NIPA2: variants seen among roughly 807,000 people sequenced by gnomAD.
NIPA2 encodes the protein magnesium transporter NIPA2.
NIPA2 carries 11 observed loss-of-function variants against 29.7 expected under a neutral mutation model. The observed-to-expected ratio is 0.37, with a 90% CI of 0.23 to 0.61. The LOEUF (loss-of-function observed/expected upper bound fraction) is 0.61. Among genes scored for constraint, NIPA2 ranks in the 20% least tolerant of loss-of-function variants. NIPA2 has a pLI of 0.66. For missense variants in NIPA2, 426 were observed against 437.9 expected (o/e 0.97, Z 0.24); for synonymous variants, 183 against 161.9 (o/e 1.13, Z -0.99).
At chr15:22,852,662 T>A (rs1344726947) in intron 4 of NIPA2, among the ~76,000 whole-genome samples, 1 of 152,102 alleles carries the variant, frequency 6.6e-6, no homozygotes, top group Non-Finnish European at 1.5e-5. Context: ...CACTGACAAG[T>A]CACAAGACCC....
chr15:22,861,833 C>G (rs2058642180), intron 7 of NIPA2, among the ~76,000 whole-genome samples: 1 of 152,072 alleles, frequency 6.6e-6, no homozygotes, highest in Non-Finnish European at 1.5e-5. Context: ...CTCCCCAGCC[C>G]AAGCGATTCT....
rs1233151766 is a variant in NIPA2 at position 22,838,877 on chromosome 15, G to C, written c.-396G>C. The C allele has an allele frequency of 6.6e-6, 1 of 152,378 alleles. No individual in the cohort carries two copies. The highest frequency in any genetic ancestry group is 1.5e-5 in the Non-Finnish European group (1 of 68,086). 9.4% of individuals were successfully genotyped at this position (152,378 alleles called of 1,614,324 possible). On this transcript the variant is annotated 5_prime_UTR_variant, in exon 1 of 8. Coordinates refer to ENST00000337451, the MANE Select transcript of NIPA2 (RefSeq NM_030922.7). ...GGGGGTGTGAGCCGCGGTGCCCAAG[G>C]CTGCGCCGGCGAGGGGAAGCCGCGC...
At chr15:22,850,537 G>A (rs774993364) in intron 3 of NIPA2, among the ~76,000 whole-genome samples, 3 of 152,134 alleles carry the variant, frequency 2.0e-5, no homozygotes, top group South Asian at 2.1e-4. Flanking sequence ...TGATAATGTC[G>A]TGTTTACCAT....
At chr15:22,843,290 G>A (rs1865335) in intron 2 of NIPA2, among the ~76,000 whole-genome samples, 21,085 of 151,920 alleles carry the variant, frequency 0.14, 1,768 homozygotes, top group Admixed American at 0.26. Context: ...GGATCACGAG[G>A]TCAGGAGATC....
At chr15:22,847,198 G>A (rs1322444823) in intron 3 of NIPA2, among the ~76,000 whole-genome samples, 2 of 151,944 alleles carry the variant, frequency 1.3e-5, no homozygotes, top group African/African-American at 4.8e-5. Flanking sequence ...GAGCCACCGC[G>A]CCCGGCCTTG....
chr15:22,854,814 T>A (rs1484498437), intron 5 of NIPA2, among the ~76,000 whole-genome samples: 2 of 152,158 alleles, frequency 1.3e-5, no homozygotes, highest in African/African-American at 4.8e-5. Flanking sequence ...TACTTGATGT[T>A]ATTCACCAGG....
intron 7 of NIPA2, among the ~76,000 whole-genome samples, chr15:22,862,591 C>T (rs1005918108): frequency 2.6e-5 from 4 of 151,884 alleles, no homozygotes; most frequent in African/African-American, 9.7e-5. Context: ...TTGTTAATTT[C>T]TAAGAGTTTC....
intron 4 of NIPA2, among the ~76,000 whole-genome samples, chr15:22,852,675 C>T (rs370244732): frequency 1.3e-5 from 2 of 152,242 alleles, no homozygotes; most frequent in South Asian, 4.2e-4. Context: ...CAAGACCCTG[C>T]GGGGTAATCA....
intron 2 of NIPA2, among the ~76,000 whole-genome samples, chr15:22,841,697 C>T (rs1897136710): frequency 6.6e-6 from 1 of 152,022 alleles, no homozygotes; most frequent in African/African-American, 2.4e-5. Flanking sequence ...TTAGTAGAGT[C>T]GGGGTTTCAC....
At chr15:22,842,544 A>G (rs998528773) in intron 2 of NIPA2, among the ~76,000 whole-genome samples, 3 of 150,000 alleles carry the variant, frequency 2.0e-5, no homozygotes, top group Middle Eastern at 3.4e-3. Context: ...AACCCAAAAT[A>G]TTGGCCGGGC....
intron 2 of NIPA2, among the ~76,000 whole-genome samples, chr15:22,842,557 G>A (rs1015860463): frequency 5.3e-5 from 8 of 151,782 alleles, no homozygotes; most frequent in African/African-American, 1.5e-4. Context: ...GGCCGGGCAC[G>A]GTAACTCACG....
intron 6 of NIPA2, among the ~76,000 whole-genome samples, chr15:22,859,766 C>CA (rs1327865728): frequency 1.3e-5 from 2 of 151,780 alleles, no homozygotes; most frequent in African/African-American, 4.8e-5. Flanking sequence ...TTTTTTTCCC[C>CA]AAAAAACTAT....
chr15:22,852,915 C>T (rs1358826554), intron 4 of NIPA2, among the ~76,000 whole-genome samples: 1 of 152,124 alleles, frequency 6.6e-6, no homozygotes, highest in Non-Finnish European at 1.5e-5. Flanking sequence ...GAAATGATAG[C>T]CTCTATGGGG....
chr15:22,842,879 T>G (rs998985600), intron 2 of NIPA2, among the ~76,000 whole-genome samples: 2 of 150,988 alleles, frequency 1.3e-5, no homozygotes, highest in Non-Finnish European at 3.0e-5. Flanking sequence ...GGTGGGCGCC[T>G]GTAGTCCCAG....
At position 22,866,903 on chromosome 15, in the gene NIPA2, T is replaced by C; in HGVS notation, c.*56T>C. 7.0e-7 allele frequency: 1 copy of C among 1,427,826 alleles called. No individual in the cohort carries two copies. Among genetic ancestry groups the C allele is most frequent in the Non-Finnish European group, 9.4e-7 (1 of 1,060,284 alleles). The allele number at this position is 1,427,826 out of a possible 1,614,324, so 88.4% of individuals were successfully genotyped here. ...TGTTATGAAGTGAATTTGAATATCATCAGAATGTGTCTGAAAAAACATTGT... is the reference window on the plus strand; with the variant it reads ...TGTTATGAAGTGAATTTGAATATCACCAGAATGTGTCTGAAAAAACATTGT... On this transcript the variant is annotated 3_prime_UTR_variant, in exon 8 of 8. Coordinates refer to ENST00000337451, the MANE Select transcript of NIPA2 (RefSeq NM_030922.7).
intron 7 of NIPA2, among the ~76,000 whole-genome samples, chr15:22,864,010 T>C (rs1424923392): frequency 6.6e-6 from 1 of 152,110 alleles, no homozygotes; most frequent in African/African-American, 2.4e-5. Context: ...AATAATAGTT[T>C]TTCTTGCTTT....
intron 7 of NIPA2, 129 bp from the exon 8 acceptor site, chr15:22,866,084 A>G (rs17806422): frequency 1.3e-6 from 1 of 753,836 alleles, no homozygotes; most frequent in Admixed American, 3.0e-5. Context: ...TTGGGCTGCA[A>G]AATAAAGCTG....
At chr15:22,864,311 G>T (rs1379392485) in intron 7 of NIPA2, among the ~76,000 whole-genome samples, 2 of 151,918 alleles carry the variant, frequency 1.3e-5, no homozygotes, top group Non-Finnish European at 2.9e-5. Context: ...CCCACCACCA[G>T]GCCTGGCTAA....
chr15:22,850,201 A>T lies in NIPA2; in HGVS notation c.-93-1438A>T, dbSNP rs1008658543. On this transcript the variant is annotated intron_variant, in intron 3 of 7. Coordinates refer to ENST00000337451, the MANE Select transcript of NIPA2 (RefSeq NM_030922.7). ...GCATAGAGGAATGAGCACTTAGATC[A>T]TGCTCACAGTTCTGTGAGTCACTGG... Among the ~76,000 whole-genome samples the T allele has an allele frequency of 2.6e-5, 4 of 152,080 alleles. No individual in the cohort carries two copies. In the South Asian group the frequency reaches 8.3e-4, roughly 31 times the overall value.
Sources: gnomAD v4.1 joint callset for allele counts (sites outside exome capture counted in the v4.1 genomes callset) on GRCh38, gnomAD v4.1.1 for gene constraint, MANE v1.5 for transcripts, NCBI Gene and HGNC (gene_info 2026-07-23, HGNC 2026-07-21) for gene names.